Variants in HNRNPH2 observed in about 807,000 individuals in gnomAD.
HNRNPH2 encodes the protein FTP-3.
For missense variants in HNRNPH2, 115 were observed against 352.9 expected, an observed-to-expected ratio of 0.33 and a Z score of 5.40; for synonymous variants, 128 against 128.2, an observed-to-expected ratio of 1.00 and a Z score of 0.01.
Position 101,412,483 on chromosome X carries a change from T to C in HNRNPH2, c.495T>C (p.Ala165=). 1.7e-6 allele frequency: 2 copies of C among 1,211,712 alleles called. No individual in the cohort carries two copies. Among genetic ancestry groups the C allele is most frequent in the Non-Finnish European group, 2.2e-6 (2 of 895,409 alleles). The change falls in exon 2 of 2, where the codon GCT becomes GCC. Residue 165 remains alanine (A), a synonymous_variant. Transcript: ENST00000316594. The stretch of plus-strand genomic sequence containing the variant: ...TGCAGTTTGCTTCACAGGAGATAGC[T>C]GAGAAGGCCTTAAAGAAACACAAGG... ...AFVQFASQEI[A]EKALKKHKER...
chrX:101,411,362 A>G (rs1555988091), intron 1 of HNRNPH2, among the ~76,000 whole-genome samples: 2 of 101,536 alleles, frequency 2.0e-5, no homozygotes, highest in African/African-American at 7.1e-5. Flanking sequence ...AGATATAGCC[A>G]TCTTTTATTT....
chrX:101,409,291 T>G (rs1928693630), intron 1 of HNRNPH2, among the ~76,000 whole-genome samples: 1 of 112,623 alleles, frequency 8.9e-6, no homozygotes. Flanking sequence ...AGTAAATGTT[T>G]GTTAAATCGT....
At position 101,408,310 on chromosome X, in the gene HNRNPH2, A is replaced by T; in HGVS notation, c.-63A>T. 8.2e-6 allele frequency: 2 copies of T among 244,672 alleles called. No homozygotes were observed. Among genetic ancestry groups the T allele is most frequent in the Non-Finnish European group, 1.5e-5 (2 of 132,005 alleles). 20.2% of individuals were successfully genotyped at this position (244,672 alleles called of 1,213,427 possible). A position where few individuals can be genotyped will look rare whatever the true frequency, so the allele number is the denominator to read the frequency against. ...GGAAGAAGGAGGAAAATTACCCGGT[A>T]TCGTTAGAGGTTGGTGTGTGGGTGG... is the stretch of plus-strand genomic sequence containing the variant. On this transcript the variant is annotated 5_prime_UTR_variant, in exon 1 of 2. Transcript: ENST00000316594.
At position 101,413,911 on chromosome X, in the gene HNRNPH2, G is replaced by C. The variant is rs1199427101; in HGVS notation, c.*573G>C. 8.3e-6 allele frequency: 1 copy of C among 120,961 alleles called. No homozygotes were observed. Among genetic ancestry groups the C allele is most frequent in the Non-Finnish European group, 1.9e-5 (1 of 52,704 alleles). The allele number at this position is 120,961 out of a possible 1,213,427, so 10.0% of individuals were successfully genotyped here. On this transcript the variant is annotated 3_prime_UTR_variant, in exon 2 of 2. Transcript: ENST00000316594. ...GCATGTTTGTTAATTCTAGCTTTTT[G>C]GTTTAATATCCTGTAAGGCACGTGA... is the stretch of plus-strand genomic sequence containing the variant.
rs1408480874 is a variant in HNRNPH2 at position 101,413,092 on chromosome X, T to G, written c.1104T>G (p.Ser368Arg). 1 of 1,211,351 alleles carries G rather than the reference T, an allele frequency of 8.3e-7. No homozygotes were observed. Among genetic ancestry groups the G allele is most frequent in the South Asian group, 1.8e-5 (1 of 56,999 alleles). The change falls in exon 2 of 2, where the codon AGT becomes AGG. Residue 368 changes from serine to arginine, a missense_variant. Ser to Arg is a moderately radical substitution (Grantham distance 110). Transcript: ENST00000316594. Reference sequence around the variant, plus strand: ...TCTTAAATTCTACTGCAGGAACAAGTGGGGGTGCTTACGATCACAGCTATG... The same window carrying G: ...TCTTAAATTCTACTGCAGGAACAAGGGGGGGTGCTTACGATCACAGCTATG... ...ELFLNSTAGT[S>R]GGAYDHSYVE...
intron 1 of HNRNPH2, among the ~76,000 whole-genome samples, chrX:101,410,893 A>G (rs1928768995): frequency 9.0e-6 from 1 of 111,667 alleles, no homozygotes. Context: ...AAGAAAAAAA[A>G]ATGTTTATGG....
chrX:101,408,757 C>G (rs1555987487), intron 1 of HNRNPH2, among the ~76,000 whole-genome samples: 1 of 111,763 alleles, frequency 8.9e-6, no homozygotes, highest in African/African-American at 3.3e-5. Context: ...GCGTGCTTGA[C>G]AAAGGCGCCC....
chrX:101,410,304 G>C, intron 1 of HNRNPH2, among the ~76,000 whole-genome samples: 1 of 111,999 alleles, frequency 8.9e-6, no homozygotes, highest in Non-Finnish European at 1.9e-5. Context: ...TTGCTTTCAG[G>C]ATATAGTGGG....
At chrX:101,411,428 T>TTA (rs1928793563) in intron 1 of HNRNPH2, among the ~76,000 whole-genome samples, 1 of 86,664 alleles carries the variant, frequency 1.2e-5, no homozygotes, top group Non-Finnish European at 2.2e-5. Context: ...TTTTTTTTTT[T>TTA]TTTTGAGACG....
In HNRNPH2 at chrX:101,410,339, T is replaced by C. The variant is rs368346499; in HGVS notation, c.-53-1597T>C. Among the ~76,000 whole-genome samples, 9 of 112,336 alleles carry C rather than the reference T, an allele frequency of 8.0e-5. No individual in the cohort carries two copies. The East Asian group carries it at 8.3e-4, about 10-fold the overall frequency. ...GGTTTATCAAAAAGGAAATAGTTTATATCAATTATCACTCTTCTGGTAGTG... is the reference window on the plus strand; with the variant it reads ...GGTTTATCAAAAAGGAAATAGTTTACATCAATTATCACTCTTCTGGTAGTG... On this transcript the variant is annotated intron_variant, in intron 1 of 1. Coordinates refer to ENST00000316594, the MANE Select transcript of HNRNPH2 (RefSeq NM_019597.5).
Position 101,411,960 on chromosome X carries a change from A to G in HNRNPH2, c.-29A>G, listed in dbSNP as rs782378751. The G allele has an allele frequency of 1.5e-5, 17 of 1,161,917 alleles. No individual in the cohort carries two copies. The highest frequency in any genetic ancestry group is 3.0e-5 in the East Asian group (1 of 33,054). On this transcript the variant is annotated 5_prime_UTR_variant, in exon 2 of 2. Coordinates refer to ENST00000316594, the MANE Select transcript of HNRNPH2 (RefSeq NM_019597.5). ...GCTACACCAAAATTGCATTGAGCCA[A>G]ACTTGCCACCAAGAGCCCAACAATC...
At chrX:101,409,946 C>T (rs1256856618) in intron 1 of HNRNPH2, among the ~76,000 whole-genome samples, 2 of 111,292 alleles carry the variant, frequency 1.8e-5, no homozygotes, top group African/African-American at 6.5e-5. Context: ...TTCCAATTTT[C>T]TGCCATTACT....
intron 1 of HNRNPH2, among the ~76,000 whole-genome samples, chrX:101,408,800 T>C (rs907590893): frequency 7.1e-5 from 8 of 111,959 alleles, no homozygotes; most frequent in Admixed American, 3.8e-4. Flanking sequence ...AGTATTTGAA[T>C]AATGTTTATT....
chrX:101,412,918 A>C lies in HNRNPH2; in HGVS notation c.930A>C (p.Ser310=). 1 of 1,209,716 alleles carries C rather than the reference A, an allele frequency of 8.3e-7. No individual in the cohort carries two copies. Among genetic ancestry groups the C allele is most frequent in the South Asian group, 1.8e-5 (1 of 56,893 alleles). ...AGAATGATATTTATAATTTCTTCTC[A>C]CCTCTTAATCCCATGAGAGTACATA... ...ATENDIYNFF[S]PLNPMRVHIE... The change falls in exon 2 of 2, where the codon TCA becomes TCC. Residue 310 remains serine, a synonymous_variant. Transcript: ENST00000316594.
intron 1 of HNRNPH2, 53 bp from the exon 2 acceptor site, chrX:101,411,883 A>T: frequency 4.5e-6 from 5 of 1,105,406 alleles, no homozygotes; most frequent in East Asian, 3.0e-5. Flanking sequence ...TTTTTCTCTT[A>T]CTATATCACG....
At position 101,412,631 on chromosome X, in the gene HNRNPH2, G is replaced by T. The variant is rs782221131; in HGVS notation, c.643G>T (p.Ala215Ser). 1.7e-6 allele frequency: 2 copies of T among 1,211,034 alleles called. No homozygotes were observed. Among genetic ancestry groups the T allele is most frequent in the South Asian group, 3.5e-5 (2 of 56,985 alleles). The part of the protein sequence containing the change: ...QRPGPYDRPG[A>S]GRGYNSIGRG... ...GCCAGGTCCCTATGATAGGCCGGGG[G>T]CTGGCAGAGGGTATAATAGCATTGG... is the stretch of plus-strand genomic sequence containing the variant. Residue 215 changes from alanine to serine, a missense_variant, in exon 2 of 2, where the codon GCT becomes TCT. Coordinates refer to ENST00000316594, the MANE Select transcript of HNRNPH2 (RefSeq NM_019597.5).
Position 101,412,293 on chromosome X carries a change from C to T in HNRNPH2, c.305C>T (p.Pro102Leu), listed in dbSNP as rs1555988357. The T allele has an allele frequency of 2.5e-6, 3 of 1,210,324 alleles. No homozygotes were observed. Among genetic ancestry groups the T allele is most frequent in the South Asian group, 1.8e-5 (1 of 56,806 alleles). ...EMDWVLKHTG[P>L]NSPDTANDGF... Reference sequence around the variant, plus strand: ...GATTGGGTGTTGAAGCATACAGGTCCGAATAGCCCTGATACTGCCAACGAT... The same window carrying T: ...GATTGGGTGTTGAAGCATACAGGTCTGAATAGCCCTGATACTGCCAACGAT... The change falls in exon 2 of 2, where the codon CCG becomes CTG. Residue 102 changes from proline (P) to leucine (L), a missense_variant. By Grantham distance (98) the Pro-to-Leu change is moderately conservative. Transcript: ENST00000316594.
intron 1 of HNRNPH2, 120 bp downstream of exon 1, chrX:101,408,439 C>T (rs1394878931): frequency 1.3e-5 from 2 of 156,704 alleles, no homozygotes; most frequent in Non-Finnish European, 2.5e-5. Context: ...CGCGCTCTCT[C>T]CCTCCTCCCC....
chrX:101,408,389 C>G (rs782607553), intron 1 of HNRNPH2, 70 bp downstream of exon 1: 26 of 162,134 alleles, frequency 1.6e-4, no homozygotes, highest in African/African-American at 7.4e-4. Context: ...GTTCGGGGGC[C>G]GCCTCCGCCT....
Sources: allele counts gnomAD v4.1 joint callset (sites outside exome capture counted in the v4.1 genomes callset), GRCh38; gene constraint gnomAD v4.1.1; transcripts MANE v1.5; gene names NCBI Gene and HGNC (gene_info 2026-07-23, HGNC 2026-07-21).